The following ZBTB44 variants were observed in gnomAD, a reference collection of about 807,000 sequenced individuals.
The protein encoded by ZBTB44 is zinc finger and BTB domain containing 44, also known as zinc finger and BTB domain-containing protein 44.
Under a neutral mutation model 54.0 loss-of-function variants are expected in ZBTB44, and 15 were observed. That is an observed-to-expected ratio of 0.28 (90% CI 0.19 to 0.43). The LOEUF (loss-of-function observed/expected upper bound fraction) is 0.43. ZBTB44 is among the 20% of genes least tolerant of loss of function. The probability of loss-of-function intolerance (pLI) is 1.00; values close to 1 mark genes in which losing one functional copy is unlikely to be tolerated. For missense variants in ZBTB44, 487 were observed against 707.1 expected, an observed-to-expected ratio of 0.69 and a Z score of 3.53; for synonymous variants, 230 against 250.1, an observed-to-expected ratio of 0.92 and a Z score of 0.76.
intron 1 of ZBTB44, among the ~76,000 whole-genome samples, chr11:130,281,882 G>A (rs1940551930): frequency 6.6e-6 from 1 of 152,174 alleles, no homozygotes; most frequent in Admixed American, 6.5e-5. Context: ...TGGGATTATA[G>A]GCGTGAGCCA....
intron 1 of ZBTB44, among the ~76,000 whole-genome samples, chr11:130,291,287 TGCC>T (rs1325341818): frequency 2.6e-5 from 4 of 152,118 alleles, no homozygotes; most frequent in Non-Finnish European, 5.9e-5. Flanking sequence ...TATAGGCGCG[TGCC>T]ACCATACCCA....
At chr11:130,291,420 AGCCACCGC>A (rs2134362880) in intron 1 of ZBTB44, among the ~76,000 whole-genome samples, 1 of 152,278 alleles carries the variant, frequency 6.6e-6, no homozygotes, top group Admixed American at 6.5e-5. Flanking sequence ...TACAGGTGTG[AGCCACCGC>A]GCCCGGCCAG....
At chr11:130,277,036 A>C (rs1940155529) in intron 1 of ZBTB44, among the ~76,000 whole-genome samples, 1 of 152,170 alleles carries the variant, frequency 6.6e-6, no homozygotes, top group Non-Finnish European at 1.5e-5. Context: ...TTTGAATGAC[A>C]ATTATGTCTC....
chr11:130,311,522 T>C (rs1942604736), intron 1 of ZBTB44, among the ~76,000 whole-genome samples: 1 of 152,180 alleles, frequency 6.6e-6, no homozygotes, highest in Admixed American at 6.5e-5. Flanking sequence ...TTATTAACTG[T>C]ATTAAAAACC....
intron 2 of ZBTB44, among the ~76,000 whole-genome samples, chr11:130,255,414 G>A (rs1337624718): frequency 6.6e-6 from 1 of 152,118 alleles, no homozygotes; most frequent in African/African-American, 2.4e-5. Context: ...ACAGTTGAGA[G>A]GGAAATTTAT....
chr11:130,278,616 T>TA (rs377025594), intron 1 of ZBTB44, among the ~76,000 whole-genome samples: 74 of 152,338 alleles, frequency 4.9e-4, no homozygotes, highest in African/African-American at 1.7e-3. Context: ...GCTGAAGCTC[T>TA]ACTCATTATT....
At chr11:130,247,690 G>A (rs1476179898) in intron 2 of ZBTB44, among the ~76,000 whole-genome samples, 2 of 152,076 alleles carry the variant, frequency 1.3e-5, no homozygotes, top group Non-Finnish European at 2.9e-5. Context: ...AACTTTACAA[G>A]GTATAACACA....
At chr11:130,305,229 A>C (rs1592077226) in intron 1 of ZBTB44, among the ~76,000 whole-genome samples, 1 of 152,158 alleles carries the variant, frequency 6.6e-6, no homozygotes, top group East Asian at 1.9e-4. Flanking sequence ...AAATACCATC[A>C]TCATTCTATA....
At chr11:130,277,484 A>T (rs1683112097) in intron 1 of ZBTB44, among the ~76,000 whole-genome samples, 1 of 152,190 alleles carries the variant, frequency 6.6e-6, no homozygotes. Context: ...TCCCATCTGT[A>T]GTCATTTCCT....
In ZBTB44 at chr11:130,284,567, T is replaced by A. The variant is rs548876382; in HGVS notation, c.-56-22638A>T. On this transcript the variant is annotated intron_variant, in intron 1 of 7. Transcript: ENST00000357899. Reference sequence around the variant, plus strand: ...GACTTGGTTCTTAAGAGTCCACTACTTTGTACAAAAAGCACTGTTGGCCAA... The same window carrying A: ...GACTTGGTTCTTAAGAGTCCACTACATTGTACAAAAAGCACTGTTGGCCAA... 3.3e-5 allele frequency among the ~76,000 whole-genome samples: 5 copies of A among 152,212 alleles called. No individual in the cohort carries two copies. In the South Asian group the frequency reaches 1.0e-3, roughly 32 times the overall value.
At chr11:130,296,009 G>A in intron 1 of ZBTB44, 1 of 1,566,242 alleles carries the variant, frequency 6.4e-7, no homozygotes, top group African/African-American at 1.4e-5. Flanking sequence ...AATATCCCAG[G>A]GTTTATGTAT....
chr11:130,312,450 A>C (rs1942665735), intron 1 of ZBTB44, among the ~76,000 whole-genome samples: 1 of 152,242 alleles, frequency 6.6e-6, no homozygotes, highest in Non-Finnish European at 1.5e-5. Flanking sequence ...ATTCTTGCCA[A>C]AGGAAGTTTT....
At chr11:130,291,358 C>T (rs1486532343) in intron 1 of ZBTB44, among the ~76,000 whole-genome samples, 1 of 152,114 alleles carries the variant, frequency 6.6e-6, no homozygotes, top group Non-Finnish European at 1.5e-5. Flanking sequence ...AGGCTGGTCT[C>T]GAGCTCCTGA....
At chr11:130,313,028 G>C (rs1942713522) in intron 1 of ZBTB44, among the ~76,000 whole-genome samples, 1 of 152,024 alleles carries the variant, frequency 6.6e-6, no homozygotes, top group Non-Finnish European at 1.5e-5. Flanking sequence ...TTCATTGCAT[G>C]AATAACCGAT....
intron 1 of ZBTB44, among the ~76,000 whole-genome samples, chr11:130,266,854 GATACTAGGAACACTGTTGAAATGACA>G (rs1433495697): frequency 2.0e-5 from 3 of 152,206 alleles, no homozygotes; most frequent in African/African-American, 7.2e-5. Flanking sequence ...TCCTGGTGAA[GATACTAGGAACACTGTTGAAATGACA>G]ATAAATGATT....
rs918090208 is a variant in ZBTB44 at position 130,261,768 on chromosome 11, G to A, written c.106C>T (p.Arg36Cys). The A allele has an allele frequency of 1.2e-6, 2 of 1,613,884 alleles. No homozygotes were observed. The highest frequency in any genetic ancestry group is 1.7e-6 in the Non-Finnish European group (2 of 1,179,896). ...GCCCGGAAGATTTTGTCCTGGACACGAATAGTGATATCACAAAAATGTCCA... is the reference window on the plus strand; with the variant it reads ...GCCCGGAAGATTTTGTCCTGGACACAAATAGTGATATCACAAAAATGTCCA... Reference protein sequence around the residue: ...NDGHFCDITIRVQDKIFRAHK... With the variant: ...NDGHFCDITICVQDKIFRAHK... Residue 36 changes from arginine to cysteine, a missense_variant, in exon 2 of 8, where the codon CGT becomes TGT. Arg to Cys is a radical substitution (Grantham distance 180). This residue lies in a region of ZBTB44 where 90 missense variants were observed against 160.3 expected (regional missense o/e 0.56). Transcript: ENST00000357899. The surrounding 1 kb of genome is among the most constrained non-coding windows in gnomAD (Gnocchi z 4.8).
At chr11:130,249,968 A>G (rs530971836) in intron 2 of ZBTB44, among the ~76,000 whole-genome samples, 2 of 152,232 alleles carry the variant, frequency 1.3e-5, no homozygotes, top group African/African-American at 4.8e-5. Context: ...AAGTGGTCTC[A>G]CTCAGCAGGT....
chr11:130,276,430 TC>T (rs1565670665), intron 1 of ZBTB44, among the ~76,000 whole-genome samples: 3 of 149,518 alleles, frequency 2.0e-5, no homozygotes, highest in African/African-American at 7.6e-5. Context: ...TCTATACGTT[TC>T]TTTTTTTTTT....
intron 1 of ZBTB44, among the ~76,000 whole-genome samples, chr11:130,266,520 C>T (rs925172701): frequency 3.3e-5 from 5 of 152,188 alleles, no homozygotes; most frequent in African/African-American, 4.8e-5. Flanking sequence ...ATTCCTCTGA[C>T]GGATCTGCAC....
Sources: gnomAD v4.1 joint callset for allele counts (sites outside exome capture counted in the v4.1 genomes callset) on GRCh38, gnomAD v4.1.1 for gene constraint, gnomAD v4.1.1 regional missense constraint, Gnocchi (gnomAD v3.1) non-coding constraint, MANE v1.5 for transcripts, NCBI Gene and HGNC (gene_info 2026-07-23, HGNC 2026-07-21) for gene names.